The following CUBN variants were observed in gnomAD, a reference collection of about 807,000 sequenced individuals.
CUBN encodes cubilin, also known as 460 kDa receptor.
Under a neutral mutation model 405.3 loss-of-function variants are expected in CUBN, and 282 were observed. That is an observed-to-expected ratio of 0.70 (90% CI 0.63 to 0.77). The LOEUF is 0.77. Among genes scored for constraint, CUBN ranks in the 30% least tolerant of loss-of-function variants. The pLI is 0.00. For missense variants in CUBN, 4,514 were observed against 4,475.2 expected, an observed-to-expected ratio of 1.01 and a Z score of -0.25; for synonymous variants, 1,684 against 1,617.0, an observed-to-expected ratio of 1.04 and a Z score of -0.99.
intron 28 of CUBN, among the ~76,000 whole-genome samples, chr10:17,006,628 A>T (rs76437383): frequency 0.019 from 2,840 of 152,186 alleles, 86 homozygotes; most frequent in African/African-American, 0.065. Context: ...AACACTGCCG[A>T]CCTCATGGCG....
At chr10:16,926,176 T>A (rs1377686071) in intron 41 of CUBN, among the ~76,000 whole-genome samples, 2 of 152,130 alleles carry the variant, frequency 1.3e-5, no homozygotes, top group East Asian at 1.9e-4. Flanking sequence ...TGGAGTAACA[T>A]CTTAGCAGAG....
At chr10:16,933,333 G>T (rs377540451) in intron 39 of CUBN, 49 bp from the exon 40 acceptor site, 5 of 1,550,728 alleles carry the variant, frequency 3.2e-6, no homozygotes, top group African/African-American at 1.4e-5. Flanking sequence ...TGGAAAAGAC[G>T]CTAGCTAGCA....
chr10:16,883,963 A>G (rs1240298090), intron 56 of CUBN, among the ~76,000 whole-genome samples: 5 of 152,018 alleles, frequency 3.3e-5, no homozygotes, highest in Non-Finnish European at 7.4e-5. Flanking sequence ...AATTTTTTTC[A>G]TTTTTTAAAT....
In CUBN at chr10:17,013,156, C is replaced by T. The variant is rs538075995; in HGVS notation, c.4168+6677G>A. 3.9e-5 allele frequency among the ~76,000 whole-genome samples: 6 copies of T among 152,176 alleles called. No individual in the cohort carries two copies. The South Asian group carries it at 1.2e-3, about 32-fold the overall frequency. On this transcript the variant is annotated intron_variant, in intron 28 of 66. Coordinates refer to ENST00000377833, the MANE Select transcript of CUBN (RefSeq NM_001081.4). ...AATAGGGTACACTGTTTTTTCTTTACTACTTCTATCCCTTTCTCTCTCTTT... is the reference window on the plus strand; with the variant it reads ...AATAGGGTACACTGTTTTTTCTTTATTACTTCTATCCCTTTCTCTCTCTTT...
intron 37 of CUBN, among the ~76,000 whole-genome samples, 164 bp downstream of exon 37, chr10:16,939,868 G>A (rs1842607333): frequency 1.3e-5 from 2 of 152,170 alleles, no homozygotes; most frequent in South Asian, 4.1e-4. Flanking sequence ...CCATTCATAT[G>A]CAATTCAGTT....
Position 16,925,446 on chromosome 10 carries a change from T to G in CUBN, c.6463-22A>C, listed in dbSNP as rs1276713. On this transcript the variant is annotated intron_variant, in intron 42 of 66. Coordinates refer to ENST00000377833, the MANE Select transcript of CUBN (RefSeq NM_001081.4). ...TTAGCTGGAAAGACAAATTAAAATT[T>G]CATCAACTCCTTTACATTGCAAAAG... 0.81 allele frequency: 1,302,304 copies of G among 1,610,820 alleles called. 528,491 individuals carry two copies. The highest frequency in any genetic ancestry group is 0.99 in the East Asian group (44,324 of 44,830).
chr10:16,873,849 T>G (rs1014223599), intron 58 of CUBN, among the ~76,000 whole-genome samples: 1 of 152,198 alleles, frequency 6.6e-6, no homozygotes, highest in African/African-American at 2.4e-5. Flanking sequence ...TATGTGTGTG[T>G]TACTTTTGGA....
intron 66 of CUBN, 31 bp from the exon 67 acceptor site, chr10:16,825,113 A>G (rs1838736678): frequency 2.1e-6 from 3 of 1,457,206 alleles, no homozygotes; most frequent in African/African-American, 1.4e-5. Flanking sequence ...ATCCAATTAT[A>G]TATTTCACAT....
At chr10:16,968,323 A>T (rs1843458717) in intron 31 of CUBN, among the ~76,000 whole-genome samples, 1 of 147,886 alleles carries the variant, frequency 6.8e-6, no homozygotes, top group African/African-American at 2.5e-5. Flanking sequence ...AGCACAGGGA[A>T]TTTTTTTTTT....
chr10:16,870,023 G>T (rs1840305188), intron 58 of CUBN, among the ~76,000 whole-genome samples, 170 bp from the exon 59 acceptor site: 1 of 152,302 alleles, frequency 6.6e-6, no homozygotes, highest in Admixed American at 6.5e-5. Flanking sequence ...CAGTTCAAAA[G>T]TTTAGCCAAA....
intron 64 of CUBN, among the ~76,000 whole-genome samples, chr10:16,833,004 C>T (rs1839054063): frequency 6.6e-6 from 1 of 152,112 alleles, no homozygotes; most frequent in Admixed American, 6.6e-5. Flanking sequence ...GTTTCAGATC[C>T]ATTCTGTGGA....
chr10:17,068,979 C>T (rs1835676910), intron 19 of CUBN, among the ~76,000 whole-genome samples: 1 of 152,184 alleles, frequency 6.6e-6, no homozygotes, highest in African/African-American at 2.4e-5. Context: ...CAGGCAGCCA[C>T]TAATCTACTT....
intron 28 of CUBN, among the ~76,000 whole-genome samples, chr10:17,011,011 G>T (rs1335599519): frequency 6.6e-6 from 1 of 152,190 alleles, no homozygotes; most frequent in African/African-American, 2.4e-5. Context: ...CCCTGATTTT[G>T]ACAGCAGGGC....
At chr10:17,086,347 AT>A (rs1220778417) in intron 15 of CUBN, among the ~76,000 whole-genome samples, 13 of 152,042 alleles carry the variant, frequency 8.6e-5, no homozygotes, top group Admixed American at 5.2e-4. Context: ...TTCCCTTTTG[AT>A]TTTTTTCATT....
chr10:16,937,659 C>T lies in CUBN; in HGVS notation c.5859G>A (p.Gly1953=). 1 of 1,614,042 alleles carries T rather than the reference C, an allele frequency of 6.2e-7. No homozygotes were observed. The highest frequency in any genetic ancestry group is 2.2e-5 in the East Asian group (1 of 44,850). Residue 1953 remains glycine (G), a synonymous_variant, in exon 39 of 67, where the codon GGG becomes GGA. Coordinates refer to ENST00000377833, the MANE Select transcript of CUBN (RefSeq NM_001081.4). ...FHFYSDSSIS[G]KGFLLEWFAV... ...CAAACCACTCCAGAAGGAATCCCTT[C>T]CCTGAGATTGAAGAGTCGGAGTAAA... is the stretch of plus-strand genomic sequence containing the variant.
rs183463529 is a variant in CUBN at position 17,083,361 on chromosome 10, C to A, written c.2301+910G>T. ...TCTCTACTAAAAATGCAAAATTAGC[C>A]GGGCGTGGTGGCACATGCCTGTAAT... On this transcript the variant is annotated intron_variant, in intron 17 of 66. Transcript: ENST00000377833. 4.5e-3 allele frequency among the ~76,000 whole-genome samples: 682 copies of A among 152,042 alleles called. 5 individuals carry two copies. Among genetic ancestry groups the A allele is most frequent in the African/African-American group, 0.016 (656 of 41,462 alleles).
intron 14 of CUBN, among the ~76,000 whole-genome samples, chr10:17,097,047 A>G (rs1235979882): frequency 6.6e-6 from 1 of 152,146 alleles, no homozygotes; most frequent in Non-Finnish European, 1.5e-5. Context: ...AAAAATTGTT[A>G]AAGTAACCAT....
At chr10:17,097,085 A>C in intron 14 of CUBN, among the ~76,000 whole-genome samples, 1 of 152,258 alleles carries the variant, frequency 6.6e-6, no homozygotes, top group Non-Finnish European at 1.5e-5. Flanking sequence ...ACACAAGGGA[A>C]GAAAATGATA....
In CUBN at chr10:17,051,045, T is replaced by C. The variant is rs1835253847; in HGVS notation, c.3140-3442A>G. Among the ~76,000 whole-genome samples the C allele has an allele frequency of 2.6e-5, 4 of 151,546 alleles. No homozygotes were observed. In the South Asian group the frequency reaches 8.3e-4, roughly 32 times the overall value. On this transcript the variant is annotated intron_variant, in intron 22 of 66. Transcript: ENST00000377833. ...TCATGTCCACTATAAAACCCAAAAC[T>C]ATTACAAATATTAAAAAAAAAGAGA...
Sources: gnomAD v4.1 joint callset for allele counts (sites outside exome capture counted in the v4.1 genomes callset) on GRCh38, gnomAD v4.1.1 for gene constraint, MANE v1.5 for transcripts, NCBI Gene and HGNC (gene_info 2026-07-23, HGNC 2026-07-21) for gene names.